The following PSMC6 variants were observed in gnomAD, a reference collection of about 807,000 sequenced individuals.
The protein encoded by PSMC6 is 26S proteasome regulatory subunit 10B.
A neutral mutation model predicts 55.9 loss-of-function variants in PSMC6; 3 were observed. The observed-to-expected ratio is 0.05, with a 90% CI of 0.02 to 0.14. PSMC6 has a LOEUF of 0.14. Ranked by LOEUF, PSMC6 falls within the 10% of genes least tolerant of loss-of-function variation. The probability of loss-of-function intolerance (pLI) is 1.00; values close to 1 mark genes in which losing one functional copy is unlikely to be tolerated. For synonymous variants in PSMC6, 137 were observed against 155.9 expected (o/e 0.88, Z 0.90); for missense variants, 210 against 478.7 (o/e 0.44, Z 5.24).
Position 52,727,542 on chromosome 14 carries a change from A to G in PSMC6, c.1095A>G (p.Glu365=). 1 of 1,611,924 alleles carries G rather than the reference A, an allele frequency of 6.2e-7. No homozygotes were observed. Among genetic ancestry groups the G allele is most frequent in the Non-Finnish European group, 8.5e-7 (1 of 1,179,734 alleles). ...IRADHDFVVQ[E]DFMKAVRKVA... ...CTGATCATGATTTTGTAGTACAGGA[A>G]GACTTCATGAAAGCAGTCAGAAAAG... The change falls in exon 14 of 14, where the codon GAA becomes GAG. Residue 365 remains glutamate, a synonymous_variant. Coordinates refer to ENST00000445930, the MANE Select transcript of PSMC6 (RefSeq NM_002806.5).
intron 7 of PSMC6, 54 bp downstream of exon 7, chr14:52,714,022 A>C (rs554287232): frequency 1.6e-6 from 1 of 619,728 alleles, no homozygotes; most frequent in South Asian, 2.8e-5. Context: ...TTAAGGAATT[A>C]AAAAAAAAAA....
chr14:52,724,816 C>T (rs529871254), intron 13 of PSMC6, among the ~76,000 whole-genome samples: 8 of 152,156 alleles, frequency 5.3e-5, no homozygotes, highest in Non-Finnish European at 2.9e-5. Flanking sequence ...TAAACTTCTA[C>T]AGTATAGTTA....
rs1327892111 is a variant in PSMC6 at position 52,718,277 on chromosome 14, T to C, written c.640T>C (p.Leu214=). Residue 214 remains leucine (L), a synonymous_variant, in exon 9 of 14, where the codon TTG becomes CTG. Transcript: ENST00000445930. ...CAAGTACATTGGTGAAAGTGCTCGT[T>C]TGATCAGAGAAATGTTTAATTATGC... is the stretch of plus-strand genomic sequence containing the variant. ...VDKYIGESAR[L]IREMFNYARD... is the part of the protein sequence containing the mutation. 3 of 1,612,712 alleles carry C rather than the reference T, an allele frequency of 1.9e-6. No homozygotes were observed. Among genetic ancestry groups the C allele is most frequent in the Admixed American group, 1.7e-5 (1 of 60,012 alleles).
At chr14:52,725,924 A>C (rs1880392472) in intron 13 of PSMC6, among the ~76,000 whole-genome samples, 1 of 152,230 alleles carries the variant, frequency 6.6e-6, no homozygotes, top group Non-Finnish European at 1.5e-5. Context: ...TTTCTAAACA[A>C]GTTTTGAAAC....
In PSMC6 at chr14:52,724,053, C is replaced by T. The variant is rs1011740688; in HGVS notation, c.1051+17C>T. ...CTGAAGCAGGTAAGGGTTTAAAGTA[C>T]AGTTTTACTATTGATTTTGATTTTT... is the stretch of plus-strand genomic sequence containing the variant. On this transcript the variant is annotated intron_variant, in intron 13 of 13. Transcript: ENST00000445930. The T allele has an allele frequency of 1.9e-6, 3 of 1,600,102 alleles. No individual in the cohort carries two copies. The highest frequency in any genetic ancestry group is 2.6e-6 in the Non-Finnish European group (3 of 1,169,358).
At chr14:52,707,333 A>G in intron 1 of PSMC6, 29 bp downstream of exon 1, 1 of 1,612,692 alleles carries the variant, frequency 6.2e-7, no homozygotes, top group Non-Finnish European at 8.5e-7. Context: ...CCATTTAATC[A>G]AGTGCCTCGA....
intron 12 of PSMC6, 57 bp from the exon 13 acceptor site, chr14:52,723,908 A>G: frequency 1.9e-6 from 3 of 1,598,834 alleles, no homozygotes; most frequent in East Asian, 4.5e-5. Context: ...CGATGTGGGC[A>G]TAAATCAAGT....
In PSMC6 at chr14:52,720,243, A is replaced by AGTCCC. The variant is rs1555356749; in HGVS notation, c.778-618_778-617insGTCCC. 3.8e-5 allele frequency among the ~76,000 whole-genome samples: 5 copies of AGTCCC among 132,348 alleles called. No homozygotes were observed. The East Asian group carries it at 1.1e-3, about 30-fold the overall frequency. 86.8% of individuals were successfully genotyped at this position (132,348 alleles called of 152,430 possible). A position where few individuals can be genotyped will look rare whatever the true frequency, so the allele number is the denominator to read the frequency against. On this transcript the variant is annotated intron_variant, in intron 10 of 13. Transcript: ENST00000445930. ...TCTCCAAAAAAAAAAAAAAAAAAAA[A>AGTCCC]AGCAGTCCCAGCTACTCAGGAGGTT...
chr14:52,712,340 C>T (rs974781875), intron 6 of PSMC6, among the ~76,000 whole-genome samples: 3 of 144,054 alleles, frequency 2.1e-5, no homozygotes, highest in African/African-American at 7.8e-5. Context: ...ATTATGAAAC[C>T]AAATTTTTCT....
chr14:52,707,944 CAG>C (rs1421117657), intron 1 of PSMC6, among the ~76,000 whole-genome samples: 1 of 152,066 alleles, frequency 6.6e-6, no homozygotes, highest in Non-Finnish European at 1.5e-5. Context: ...GGTAGAATGT[CAG>C]AGAACAATCC....
At chr14:52,723,610 T>C (rs1250153038) in intron 12 of PSMC6, 3 of 203,494 alleles carry the variant, frequency 1.5e-5, no homozygotes, top group South Asian at 2.4e-4. Flanking sequence ...TTGAGTGTTA[T>C]AGGTTTATTC....
chr14:52,721,261 A>AT (rs1334548183), intron 12 of PSMC6, 71 bp downstream of exon 12: 6 of 1,278,296 alleles, frequency 4.7e-6, no homozygotes, highest in African/African-American at 3.0e-5. Flanking sequence ...GAAATTACTG[A>AT]TAGTTTCCTA....
intron 6 of PSMC6, among the ~76,000 whole-genome samples, chr14:52,711,867 T>C (rs1001957484): frequency 1.3e-5 from 2 of 152,222 alleles, no homozygotes; most frequent in African/African-American, 4.8e-5. Context: ...ATGTGTGTGA[T>C]GAGTTTTTTC....
At chr14:52,720,695 C>T (rs1474390361) in intron 10 of PSMC6, among the ~76,000 whole-genome samples, 166 bp from the exon 11 acceptor site, 1 of 151,962 alleles carries the variant, frequency 6.6e-6, no homozygotes, top group Admixed American at 6.6e-5. Flanking sequence ...GAAAGTATAT[C>T]CCTTTATATA....
chr14:52,722,870 A>G (rs1210250526), intron 12 of PSMC6: 1 of 152,200 alleles, frequency 6.6e-6, no homozygotes, highest in African/African-American at 2.4e-5. Flanking sequence ...TGGCTTGCAA[A>G]GCATACAGTA....
chr14:52,707,702 G>C (rs1039763221), intron 1 of PSMC6, among the ~76,000 whole-genome samples: 22 of 152,192 alleles, frequency 1.4e-4, no homozygotes, highest in Non-Finnish European at 2.9e-5. Context: ...CTTGTTCTTG[G>C]AGTCGAAAGA....
intron 7 of PSMC6, among the ~76,000 whole-genome samples, chr14:52,714,588 G>A (rs191302713): frequency 1.3e-5 from 2 of 152,220 alleles, no homozygotes; most frequent in South Asian, 2.1e-4. Flanking sequence ...TAAGCCAGGC[G>A]CAGTGGCTCA....
rs566680510 is a variant in PSMC6 at position 52,718,874 on chromosome 14, C to T, written c.716-103C>T. The stretch of plus-strand genomic sequence containing the variant: ...AGCATAATTCTTGCTCTTTAATTTT[C>T]ATCTTAATGTTTTAAGCCACAGACT... On this transcript the variant is annotated intron_variant, in intron 9 of 13. Transcript: ENST00000445930. 2.1e-4 allele frequency: 188 copies of T among 877,568 alleles called. No individual in the cohort carries two copies. The African/African-American group carries it at 2.8e-3, about 13-fold the overall frequency. 54.4% of individuals were successfully genotyped at this position (877,568 alleles called of 1,614,324 possible). A position where few individuals can be genotyped will look rare whatever the true frequency, so the allele number is the denominator to read the frequency against.
At chr14:52,720,292 C>CAGG (rs2041875973) in intron 10 of PSMC6, among the ~76,000 whole-genome samples, 2 of 125,342 alleles carry the variant, frequency 1.6e-5, no homozygotes, top group African/African-American at 6.2e-5. Flanking sequence ...TGGTCGAGCC[C>CAGG]AGGAGGTGAA....
Sources: gnomAD v4.1 joint callset for allele counts (sites outside exome capture counted in the v4.1 genomes callset) on GRCh38, gnomAD v4.1.1 for gene constraint, MANE v1.5 for transcripts, NCBI Gene and HGNC (gene_info 2026-07-23, HGNC 2026-07-21) for gene names.